The following ANKRD12 variants were observed in gnomAD, a reference collection of about 807,000 sequenced individuals.
ANKRD12 encodes the protein ankyrin repeat domain-containing protein 12.
A neutral mutation model predicts 183.4 loss-of-function variants in ANKRD12; 85 were observed. That is an observed-to-expected ratio of 0.46 (90% CI 0.39 to 0.56). The LOEUF is 0.56. Among genes scored for constraint, ANKRD12 ranks in the 20% least tolerant of loss-of-function variants. ANKRD12 has a pLI of 0.00. For missense variants in ANKRD12, 2,405 were observed against 2,357.1 expected, an observed-to-expected ratio of 1.02 and a Z score of -0.42; for synonymous variants, 914 against 800.2, an observed-to-expected ratio of 1.14 and a Z score of -2.40.
intron 1 of ANKRD12, among the ~76,000 whole-genome samples, chr18:9,145,053 T>G (rs934483467): frequency 1.3e-5 from 2 of 152,148 alleles, no homozygotes; most frequent in Non-Finnish European, 2.9e-5. Flanking sequence ...TATTTGAAAT[T>G]TTTATCTTTT....
At chr18:9,188,634 A>G (rs2034258449) in intron 2 of ANKRD12, among the ~76,000 whole-genome samples, 1 of 152,212 alleles carries the variant, frequency 6.6e-6, no homozygotes, top group African/African-American at 2.4e-5. Context: ...GTTAGTGGCA[A>G]CCCTGTGTTG....
chr18:9,236,845 C>T (rs1295482068), intron 8 of ANKRD12, among the ~76,000 whole-genome samples: 1 of 152,114 alleles, frequency 6.6e-6, no homozygotes, highest in African/African-American at 2.4e-5. Flanking sequence ...TGGCCAGATT[C>T]TTTAGCTATG....
rs539735187 is a variant in ANKRD12 at position 9,215,743 on chromosome 18, T to C, written c.653-1015T>C. On this transcript the variant is annotated intron_variant, in intron 6 of 12. Transcript: ENST00000262126. ...TGGAGAAAACTGTGTCCAGATGTTGTCATGACGTCACAGGATTTACCACAG... is the reference window on the plus strand; with the variant it reads ...TGGAGAAAACTGTGTCCAGATGTTGCCATGACGTCACAGGATTTACCACAG... Among the ~76,000 whole-genome samples the C allele has an allele frequency of 3.9e-5, 6 of 152,056 alleles. No individual in the cohort carries two copies. The South Asian group carries it at 1.2e-3, about 31-fold the overall frequency.
At chr18:9,242,370 G>A (rs1419718961) in intron 8 of ANKRD12, among the ~76,000 whole-genome samples, 11 of 152,030 alleles carry the variant, frequency 7.2e-5, no homozygotes, top group African/African-American at 2.7e-4. Context: ...GTGAGATGTT[G>A]CTGAATATTT....
At chr18:9,160,728 C>T (rs550093915) in intron 1 of ANKRD12, among the ~76,000 whole-genome samples, 33 of 152,242 alleles carry the variant, frequency 2.2e-4, no homozygotes, top group Admixed American at 7.9e-4. Flanking sequence ...GTGTTATGAG[C>T]CTAAAAGAAC....
At chr18:9,272,936 G>A (rs532977800) in intron 10 of ANKRD12, among the ~76,000 whole-genome samples, 11 of 151,584 alleles carry the variant, frequency 7.3e-5, no homozygotes, top group South Asian at 2.1e-4. Flanking sequence ...CCTGGGAGTC[G>A]AGGAGAGGAG....
rs900880010 is a variant in ANKRD12, at chr18:9,169,831, GT to G, written c.-51-12546del. On this transcript the variant is annotated intron_variant, in intron 1 of 12. Coordinates refer to ENST00000262126, the MANE Select transcript of ANKRD12 (RefSeq NM_015208.5). ...ATTGATGGTCTTTACAATTTGGCAT[GT>G]TTTTGCAGTGGCTGGTACCAGTTGT... Among the ~76,000 whole-genome samples the G allele has an allele frequency of 2.4e-3, 358 of 152,178 alleles. 2 individuals are homozygous for G. The highest frequency in any genetic ancestry group is 8.2e-3 in the African/African-American group (341 of 41,482).
intron 1 of ANKRD12, among the ~76,000 whole-genome samples, chr18:9,172,727 G>T (rs2032861593): frequency 6.6e-6 from 1 of 152,092 alleles, no homozygotes; most frequent in East Asian, 1.9e-4. Flanking sequence ...TATCAGTTCA[G>T]CCATCTCAGC....
Position 9,203,525 on chromosome 18 carries a change from A to G in ANKRD12, c.236-951A>G, listed in dbSNP as rs139774636. Among the ~76,000 whole-genome samples, 428 of 152,252 alleles carry G rather than the reference A, an allele frequency of 2.8e-3. 2 individuals carry two copies. Among genetic ancestry groups the G allele is most frequent in the African/African-American group, 9.9e-3 (411 of 41,532 alleles). On this transcript the variant is annotated intron_variant, in intron 3 of 12. Transcript: ENST00000262126. ...TGCTCTGGCCATATTGCCAAAGTCAATTGTCCATATTCATATTTCTCTGTC... is the reference window on the plus strand; with the variant it reads ...TGCTCTGGCCATATTGCCAAAGTCAGTTGTCCATATTCATATTTCTCTGTC...
chr18:9,240,723 A>C (rs553236330), intron 8 of ANKRD12, among the ~76,000 whole-genome samples: 1 of 152,316 alleles, frequency 6.6e-6, no homozygotes, highest in East Asian at 1.9e-4. Flanking sequence ...ACTTCAACTT[A>C]ATCAAGAAAA....
intron 1 of ANKRD12, among the ~76,000 whole-genome samples, chr18:9,182,007 G>C (rs1343006293): frequency 5.0e-4 from 76 of 152,096 alleles, no homozygotes; most frequent in Non-Finnish European, 2.9e-5. Context: ...AACCTAACAG[G>C]TTCTTGGTTG....
chr18:9,162,906 T>C (rs912556259), intron 1 of ANKRD12, among the ~76,000 whole-genome samples: 3 of 152,136 alleles, frequency 2.0e-5, no homozygotes, highest in Non-Finnish European at 4.4e-5. Flanking sequence ...GTTTTTTTCT[T>C]ATAAATTTAA....
At chr18:9,142,029 T>C (rs1383162148) in intron 1 of ANKRD12, among the ~76,000 whole-genome samples, 1 of 152,204 alleles carries the variant, frequency 6.6e-6, no homozygotes, top group East Asian at 1.9e-4. Flanking sequence ...CCCTAGTAGC[T>C]GGGATTACAG....
rs1461311233 is a variant in ANKRD12 at position 9,281,406 on chromosome 18, G to A, written c.*280G>A. On this transcript the variant is annotated 3_prime_UTR_variant, in exon 13 of 13. Coordinates refer to ENST00000262126, the MANE Select transcript of ANKRD12 (RefSeq NM_015208.5). ...GACTGGTAGGTATTTAAAAAGTTGAGAATCTGCTAACAGCGCTGGAAGTTG... is the reference window on the plus strand; with the variant it reads ...GACTGGTAGGTATTTAAAAAGTTGAAAATCTGCTAACAGCGCTGGAAGTTG... 1 of 231,850 alleles carries A rather than the reference G, an allele frequency of 4.3e-6. No homozygotes were observed. Among genetic ancestry groups the A allele is most frequent in the Admixed American group, 5.7e-5 (1 of 17,400 alleles). 14.4% of individuals were successfully genotyped at this position (231,850 alleles called of 1,614,324 possible).
At chr18:9,226,859 A>G (rs1448139815) in intron 8 of ANKRD12, among the ~76,000 whole-genome samples, 1 of 152,206 alleles carries the variant, frequency 6.6e-6, no homozygotes, top group Non-Finnish European at 1.5e-5. Context: ...GTCATGAAAG[A>G]TTAAGAAATG....
At chr18:9,197,787 G>C (rs532551462) in intron 3 of ANKRD12, among the ~76,000 whole-genome samples, 1 of 152,152 alleles carries the variant, frequency 6.6e-6, no homozygotes, top group African/African-American at 2.4e-5. Context: ...AAGAGGAGGG[G>C]TTGATTTTGC....
chr18:9,243,795 T>G (rs1264545985), intron 8 of ANKRD12, among the ~76,000 whole-genome samples: 1 of 152,170 alleles, frequency 6.6e-6, no homozygotes, highest in East Asian at 1.9e-4. Flanking sequence ...AAACATACAT[T>G]ATCTTACAAA....
chr18:9,210,707 CAG>C (rs1437375465), intron 5 of ANKRD12, among the ~76,000 whole-genome samples: 1 of 83,464 alleles, frequency 1.2e-5, no homozygotes, highest in East Asian at 3.7e-4. Flanking sequence ...GCCTGGGCAA[CAG>C]AGTGAGACTC....
chr18:9,143,541 A>G (rs867782990), intron 1 of ANKRD12, among the ~76,000 whole-genome samples: 1 of 151,974 alleles, frequency 6.6e-6, no homozygotes, highest in South Asian at 2.1e-4. Flanking sequence ...GCGTACTGCA[A>G]CCTCCGCCTC....
Sources: allele counts gnomAD v4.1 joint callset (sites outside exome capture counted in the v4.1 genomes callset), GRCh38; gene constraint gnomAD v4.1.1; transcripts MANE v1.5; gene names NCBI Gene and HGNC (gene_info 2026-07-23, HGNC 2026-07-21).